SORBS2: variants seen among roughly 807,000 people sequenced by gnomAD.
SORBS2 encodes sorbin and SH3 domain containing 2, also known as sorbin and SH3 domain-containing protein 2.
SORBS2 carries 46 observed loss-of-function variants against 97.7 expected under a neutral mutation model. The ratio of observed to expected loss-of-function variants is 0.47; its 90% CI spans 0.37 to 0.60. The LOEUF is 0.60. Ranked by LOEUF, SORBS2 falls within the 20% of genes least tolerant of loss-of-function variation. The pLI, the probability that SORBS2 is intolerant of heterozygous loss-of-function variation, is 0.00. For missense variants in SORBS2, 1,316 were observed against 1,282.3 expected, an observed-to-expected ratio of 1.03 and a Z score of -0.40; for synonymous variants, 476 against 473.4, an observed-to-expected ratio of 1.01 and a Z score of -0.07.
At chr4:185,894,631 T>C (rs1009763363) in intron 1 of SORBS2, among the ~76,000 whole-genome samples, 4 of 152,174 alleles carry the variant, frequency 2.6e-5, no homozygotes, top group African/African-American at 9.7e-5. Flanking sequence ...CTCCCTGTAA[T>C]TGCTGCACTG....
intron 4 of SORBS2, chr4:185,677,568 A>G: frequency 6.5e-7 from 1 of 1,545,372 alleles, no homozygotes; most frequent in Non-Finnish European, 8.7e-7. Context: ...CTGGTCTAAA[A>G]TGACACCCTT....
chr4:185,615,003 T>A, intron 10 of SORBS2, 42 bp downstream of exon 22: 1 of 1,613,878 alleles, frequency 6.2e-7, no homozygotes, highest in African/African-American at 1.3e-5. Context: ...GCGGTGACCT[T>A]TGAAACCACC....
intron 1 of SORBS2, among the ~76,000 whole-genome samples, chr4:185,939,315 T>C (rs1393779477): frequency 6.6e-6 from 1 of 152,190 alleles, no homozygotes; most frequent in Non-Finnish European, 1.5e-5. Context: ...CAATTGTTCC[T>C]AATATCCCAC....
chr4:185,877,929 G>A (rs2099234581), intron 1 of SORBS2, among the ~76,000 whole-genome samples: 1 of 127,036 alleles, frequency 7.9e-6, no homozygotes, highest in African/African-American at 2.7e-5. Flanking sequence ...GAAAAATAAA[G>A]CAACTCTTTA....
chr4:185,820,604 C>T (rs1172480505), intron 1 of SORBS2, among the ~76,000 whole-genome samples: 5 of 152,158 alleles, frequency 3.3e-5, no homozygotes, highest in African/African-American at 7.2e-5. Context: ...GAGCAGCGTG[C>T]GCGGACACCT....
chr4:185,663,255 T>C (rs921256134), intron 4 of SORBS2, among the ~76,000 whole-genome samples: 2 of 152,230 alleles, frequency 1.3e-5, no homozygotes, highest in African/African-American at 4.8e-5. Flanking sequence ...TTTGTGAAAC[T>C]TTTCTACTTA....
chr4:185,748,231 G>A (rs1021615974), intron 2 of SORBS2, among the ~76,000 whole-genome samples: 1 of 152,164 alleles, frequency 6.6e-6, no homozygotes, highest in Non-Finnish European at 1.5e-5. Context: ...AGGTAGGGCT[G>A]GGCTTTCATG....
intron 2 of SORBS2, among the ~76,000 whole-genome samples, chr4:185,744,304 T>C (rs145568643): frequency 6.6e-6 from 1 of 152,286 alleles, no homozygotes; most frequent in East Asian, 1.9e-4. Flanking sequence ...CATGTGGAAC[T>C]TGAACTGTAG....
rs552671569 is a variant in SORBS2 at position 185,946,874 on chromosome 4, A to T, written c.-338+9322T>A. ...AAAATGCAAAATGATGACCTGTCAG[A>T]TTGCTCCCTGACTCCAGAAATCATC... On this transcript the variant is annotated intron_variant, in intron 1 of 20. Transcript: ENST00000284776. Among the ~76,000 whole-genome samples the T allele has an allele frequency of 8.5e-5, 13 of 152,358 alleles. No homozygotes were observed. In the East Asian group the frequency reaches 1.5e-3, roughly 18 times the overall value.
chr4:185,757,929 AC>A (rs2153606211), intron 2 of SORBS2, among the ~76,000 whole-genome samples: 1 of 152,358 alleles, frequency 6.6e-6, no homozygotes, highest in East Asian at 1.9e-4. Flanking sequence ...AATTGCTGAT[AC>A]AATCTGGTGA....
At chr4:185,611,530 C>A (rs2096539082) in intron 12 of SORBS2, among the ~76,000 whole-genome samples, 1 of 152,124 alleles carries the variant, frequency 6.6e-6, no homozygotes, top group Admixed American at 6.6e-5. Context: ...CTCGTTTTCT[C>A]TTTCTCTTTC....
chr4:185,776,897 C>CT (rs1441357698), intron 1 of SORBS2, among the ~76,000 whole-genome samples: 5 of 87,796 alleles, frequency 5.7e-5, no homozygotes, highest in Admixed American at 1.3e-4. Context: ...GAGACTCCAT[C>CT]TCAAAAAAAA....
At chr4:185,942,357 C>CTTT (rs141053685) in intron 1 of SORBS2, among the ~76,000 whole-genome samples, 31 of 147,934 alleles carry the variant, frequency 2.1e-4, no homozygotes, top group African/African-American at 4.2e-4. Flanking sequence ...TTTATATTTT[C>CTTT]TTTTTTTTTT....
intron 1 of SORBS2, among the ~76,000 whole-genome samples, chr4:185,778,935 G>A (rs1043961028): frequency 1.3e-5 from 2 of 152,182 alleles, no homozygotes; most frequent in East Asian, 3.8e-4. Flanking sequence ...AAATAAACGA[G>A]CACGCCAACT....
In SORBS2 at chr4:185,630,611, G is replaced by A. The variant is rs1273738832; in HGVS notation, c.397-13C>T. 1 of 1,570,970 alleles carries A rather than the reference G, an allele frequency of 6.4e-7. No individual in the cohort carries two copies. Among genetic ancestry groups the A allele is most frequent in the African/African-American group, 1.4e-5 (1 of 73,334 alleles). ...GATACAAGGAGGCCTGTTAAGATAG[G>A]ATAATAGTACCATGAAAAATTTTAC... On this transcript the variant is annotated splice_polypyrimidine_tract_variant and intron_variant, in intron 4 of 14. Coordinates refer to ENST00000418609, the Ensembl canonical transcript of SORBS2.
intron 2 of SORBS2, among the ~76,000 whole-genome samples, chr4:185,707,068 CA>C (rs1166673882): frequency 6.6e-6 from 1 of 151,938 alleles, no homozygotes. Flanking sequence ...TTCTATGTGC[CA>C]AAAACTGATC....
chr4:185,830,516 T>C (rs1460610168), intron 1 of SORBS2, among the ~76,000 whole-genome samples: 2 of 152,170 alleles, frequency 1.3e-5, no homozygotes, highest in African/African-American at 4.8e-5. Flanking sequence ...ATATCTTTTG[T>C]GTGTTGGAAG....
rs990212606 is a variant in SORBS2, at chr4:185,826,228, G to A, written c.-337-50862C>T. On this transcript the variant is annotated intron_variant, in intron 1 of 20. Transcript: ENST00000284776. Reference sequence around the variant, plus strand: ...GTCATGTGCTCTGCAGAAGTAGGGGGATTTTCTCCACAGTTTTTCTTCATA... The same window carrying A: ...GTCATGTGCTCTGCAGAAGTAGGGGAATTTTCTCCACAGTTTTTCTTCATA... 5.3e-5 allele frequency among the ~76,000 whole-genome samples: 8 copies of A among 152,192 alleles called. No homozygotes were observed. The East Asian group carries it at 1.5e-3, about 29-fold the overall frequency.
chr4:185,886,606 G>A (rs998651220), intron 1 of SORBS2, among the ~76,000 whole-genome samples: 2 of 135,008 alleles, frequency 1.5e-5, no homozygotes, highest in Admixed American at 1.4e-4. Context: ...AAAACAACGT[G>A]GCCTGTGGCC....
Sources: allele counts gnomAD v4.1 joint callset (sites outside exome capture counted in the v4.1 genomes callset), GRCh38; gene constraint gnomAD v4.1.1; transcripts MANE v1.5; gene names NCBI Gene and HGNC (gene_info 2026-07-23, HGNC 2026-07-21).